The following SFSWAP variants were observed in gnomAD, a reference collection of about 807,000 sequenced individuals.
The protein encoded by SFSWAP is splicing factor SWAP.
A neutral mutation model predicts 100.7 loss-of-function variants in SFSWAP; 17 were observed. The observed-to-expected ratio is 0.17, with a 90% confidence interval of 0.12 to 0.25. The LOEUF (loss-of-function observed/expected upper bound fraction) is 0.25. SFSWAP is among the 10% of genes least tolerant of loss of function. SFSWAP has a pLI of 1.00. For missense variants in SFSWAP, 1,005 were observed against 1,262.6 expected, an observed-to-expected ratio of 0.80 and a Z score of 3.09; for synonymous variants, 504 against 510.1, an observed-to-expected ratio of 0.99 and a Z score of 0.16.
At position 131,719,437 on chromosome 12, in the gene SFSWAP, AT is replaced by A; in HGVS notation, c.521-13del. Reference sequence around the variant, plus strand: ...TCCCTGCATTGTTCTGAATTTTTTAATTTTCTTTTTATGCAGAAAAAAATGA... The same window carrying A: ...TCCCTGCATTGTTCTGAATTTTTTAATTTCTTTTTATGCAGAAAAAAATGA... On this transcript the variant is annotated splice_polypyrimidine_tract_variant and intron_variant, in intron 3 of 17. Transcript: ENST00000261674. The A allele has an allele frequency of 1.9e-6, 3 of 1,608,818 alleles. No individual in the cohort carries two copies. Among genetic ancestry groups the A allele is most frequent in the Non-Finnish European group, 2.6e-6 (3 of 1,175,388 alleles).
chr12:131,715,019 G>T, intron 3 of SFSWAP, 66 bp downstream of exon 3: 4 of 1,566,454 alleles, frequency 2.6e-6, no homozygotes, highest in Non-Finnish European at 2.6e-6. Context: ...TGCATGCACC[G>T]TGGTCCAGTC....
rs1180790074 is a variant in SFSWAP at position 131,733,268 on chromosome 12, G to A, written c.1081+4840G>A. Among the ~76,000 whole-genome samples, 3 of 152,152 alleles carry A rather than the reference G, an allele frequency of 2.0e-5. No individual in the cohort carries two copies. Among genetic ancestry groups the A allele is most frequent in the East Asian group, 1.9e-4 (1 of 5,184 alleles). Reference sequence around the variant, plus strand: ...CTCACCCTGCCCTGTGAGAACTTTCGTATGTGTGTCTCTGCCATCTCCTCC... The same window carrying A: ...CTCACCCTGCCCTGTGAGAACTTTCATATGTGTGTCTCTGCCATCTCCTCC... On this transcript the variant is annotated intron_variant, in intron 7 of 17. Transcript: ENST00000261674. This position sits in a 1 kb window ranked among gnomAD's most constrained non-coding sequence, Gnocchi z 5.1.
intron 14 of SFSWAP, among the ~76,000 whole-genome samples, chr12:131,779,236 C>CGTGTGTGAAGAGGGCGGCGCGGGTGAGA (rs1566051521): frequency 7.5e-6 from 1 of 133,626 alleles, no homozygotes; most frequent in Non-Finnish European, 1.6e-5. Flanking sequence ...CGCGGGTGAG[C>CGTGTGTGAAGAGGGCGGCGCGGGTGAGA]GTGTGTGAAG....
chr12:131,750,949 TA>T (rs1396810376), intron 7 of SFSWAP, among the ~76,000 whole-genome samples: 1 of 152,208 alleles, frequency 6.6e-6, no homozygotes, highest in African/African-American at 2.4e-5. Context: ...GCTGGGATTA[TA>T]GGTGTGACCC....
chr12:131,751,611 G>A (rs1593147462), intron 7 of SFSWAP, among the ~76,000 whole-genome samples: 1 of 152,270 alleles, frequency 6.6e-6, no homozygotes, highest in Non-Finnish European at 1.5e-5. Context: ...CCCCCTTCCA[G>A]GGATGACGTT....
chr12:131,749,606 G>A (rs1255585710), intron 7 of SFSWAP, among the ~76,000 whole-genome samples: 3 of 152,184 alleles, frequency 2.0e-5, no homozygotes, highest in East Asian at 3.9e-4. Context: ...GAGCTGTATG[G>A]TGCCACCATT....
chr12:131,716,732 C>G (rs2136176314), intron 3 of SFSWAP, among the ~76,000 whole-genome samples: 1 of 152,304 alleles, frequency 6.6e-6, no homozygotes, highest in Admixed American at 6.5e-5. Flanking sequence ...AATGAAACAC[C>G]ATATGGCCCA....
intron 4 of SFSWAP, among the ~76,000 whole-genome samples, chr12:131,723,820 G>A (rs867602081): frequency 6.6e-6 from 1 of 152,230 alleles, no homozygotes; most frequent in Non-Finnish European, 1.5e-5. Context: ...AGGGGAGGAG[G>A]TGTTAGCCCC....
chr12:131,737,957 A>G (rs1880193956), intron 7 of SFSWAP, among the ~76,000 whole-genome samples: 1 of 152,084 alleles, frequency 6.6e-6, no homozygotes, highest in Non-Finnish European at 1.5e-5. Flanking sequence ...GTCTTCTGCT[A>G]TTTAGCTATA....
chr12:131,725,667 G>A lies in SFSWAP; in HGVS notation c.832+37G>A. 6.5e-7 allele frequency: 1 copy of A among 1,533,716 alleles called. No individual in the cohort carries two copies. The highest frequency in any genetic ancestry group is 8.9e-7 in the Non-Finnish European group (1 of 1,117,594). On this transcript the variant is annotated intron_variant, in intron 5 of 17. Transcript: ENST00000261674. The surrounding 1 kb of genome is among the most constrained non-coding windows in gnomAD (Gnocchi z 4.3). ...TGCGTCTGTTCCGTCCAGACTTTGG[G>A]CCTGTGTTGTGGGGGCGGCAGGCTG...
intron 15 of SFSWAP, 66 bp downstream of exon 15, chr12:131,786,654 C>T (rs551925444): frequency 1.3e-6 from 2 of 1,510,974 alleles, no homozygotes; most frequent in Non-Finnish European, 1.8e-6. Flanking sequence ...GAAAGGGCGT[C>T]TGAAGGTCGG....
chr12:131,761,148 G>T, intron 11 of SFSWAP, among the ~76,000 whole-genome samples: 1 of 152,198 alleles, frequency 6.6e-6, no homozygotes, highest in South Asian at 2.1e-4. Context: ...TTCTGCCTGG[G>T]AATCCACTGA....
chr12:131,785,223 G>A (rs1388241458), intron 14 of SFSWAP: 25 of 1,533,604 alleles, frequency 1.6e-5, no homozygotes, highest in South Asian at 6.0e-5. Flanking sequence ...CTGGTAAAAC[G>A]TCAAGGTGTC....
At chr12:131,769,265 T>C (rs1260876805) in intron 13 of SFSWAP, among the ~76,000 whole-genome samples, 1 of 152,170 alleles carries the variant, frequency 6.6e-6, no homozygotes, top group Non-Finnish European at 1.5e-5. Flanking sequence ...TATATCCACT[T>C]CTGTGGTTAC....
chr12:131,784,065 C>G (rs1419821930), intron 14 of SFSWAP: 1 of 152,050 alleles, frequency 6.6e-6, no homozygotes, highest in Non-Finnish European at 1.5e-5. Context: ...AAACCAGATG[C>G]TTGCAGTTCC....
In SFSWAP at chr12:131,725,341, G is replaced by GA. The variant is rs1878853519; in HGVS notation, c.607-61dup. 2 of 1,332,110 alleles carry GA rather than the reference G, an allele frequency of 1.5e-6. No homozygotes were observed. Among genetic ancestry groups the GA allele is most frequent in the African/African-American group, 2.9e-5 (2 of 69,178 alleles). The allele number at this position is 1,332,110 out of a possible 1,614,324, so 82.5% of individuals were successfully genotyped here. A position where few individuals can be genotyped will look rare whatever the true frequency, so the allele number is the denominator to read the frequency against. On this transcript the variant is annotated intron_variant, in intron 4 of 17. Transcript: ENST00000261674. This position sits in a 1 kb window ranked among gnomAD's most constrained non-coding sequence, Gnocchi z 4.3. ...ACCAGAGTCATTTCTATGTTTTAAT[G>GA]AAATCACGTGGCCGGTGGACAAGAG... is the stretch of plus-strand genomic sequence containing the variant.
At chr12:131,783,951 G>C (rs1409307192) in intron 14 of SFSWAP, 1 of 151,334 alleles carries the variant, frequency 6.6e-6, no homozygotes, top group African/African-American at 2.4e-5. Flanking sequence ...TTCTATTTTA[G>C]GTTGAAAGTT....
chr12:131,788,813 A>G (rs750847887), intron 15 of SFSWAP, among the ~76,000 whole-genome samples: 5 of 152,052 alleles, frequency 3.3e-5, no homozygotes, highest in African/African-American at 4.8e-5. Flanking sequence ...CATTATATTA[A>G]TCCTACAGCC....
chr12:131,720,726 A>C (rs1878395870), intron 4 of SFSWAP, among the ~76,000 whole-genome samples: 1 of 152,190 alleles, frequency 6.6e-6, no homozygotes, highest in Admixed American at 6.5e-5. Context: ...TAATCTGATG[A>C]AGGGCAATAT....
Sources: allele counts gnomAD v4.1 joint callset (sites outside exome capture counted in the v4.1 genomes callset), GRCh38; gene constraint gnomAD v4.1.1; non-coding constraint Gnocchi (gnomAD v3.1); transcripts MANE v1.5; gene names NCBI Gene and HGNC (gene_info 2026-07-23, HGNC 2026-07-21).